CPED1: variants seen among roughly 807,000 people sequenced by gnomAD.
CPED1 encodes cadherin-like and PC-esterase domain-containing protein 1.
Under a neutral mutation model 128.2 loss-of-function variants are expected in CPED1, and 114 were observed. The ratio of observed to expected loss-of-function variants is 0.89; its 90% CI spans 0.76 to 1.04. The LOEUF is 1.04. CPED1 is among the 50% of genes least tolerant of loss of function. The probability of loss-of-function intolerance (pLI) is 0.00; values close to 1 mark genes in which losing one functional copy is unlikely to be tolerated. For synonymous variants in CPED1, 462 were observed against 426.7 expected (o/e 1.08, Z -1.02); for missense variants, 1,211 against 1,207.1 (o/e 1.00, Z -0.05).
chr7:121,060,955 C>G (rs540208057), intron 4 of CPED1, among the ~76,000 whole-genome samples: 3 of 151,674 alleles, frequency 2.0e-5, no homozygotes, highest in African/African-American at 7.3e-5. Flanking sequence ...CCGGGAGGAA[C>G]GAACAACTCC....
chr7:121,076,685 T>A (rs777171894), intron 5 of CPED1: 8 of 152,220 alleles, frequency 5.3e-5, no homozygotes, highest in Admixed American at 2.6e-4. Flanking sequence ...CAGCAATGTT[T>A]TAGTACTTCT....
intron 16 of CPED1, among the ~76,000 whole-genome samples, chr7:121,222,171 T>C (rs964911038): frequency 4.6e-5 from 7 of 152,210 alleles, no homozygotes; most frequent in Non-Finnish European, 1.0e-4. Context: ...GCTTTCTACA[T>C]GTAGCTAGCC....
At chr7:121,141,910 C>T in intron 15 of CPED1, 63 bp from the exon 16 acceptor site, 1 of 1,278,412 alleles carries the variant, frequency 7.8e-7, no homozygotes, top group Admixed American at 1.8e-5. Flanking sequence ...ATATATGAAT[C>T]AGTTTGGGCT....
At chr7:121,015,525 C>T in intron 2 of CPED1, 140 bp from the exon 3 acceptor site, 1 of 689,682 alleles carries the variant, frequency 1.4e-6, no homozygotes, top group Non-Finnish European at 2.4e-6. Context: ...TCCTTGTCAG[C>T]CTTTCAGAGA....
In CPED1 at chr7:121,015,766, C is replaced by T; in HGVS notation, c.351C>T (p.His117=). The T allele has an allele frequency of 6.2e-7, 1 of 1,612,056 alleles. No homozygotes were observed. The highest frequency in any genetic ancestry group is 8.5e-7 in the Non-Finnish European group (1 of 1,179,264). The change falls in exon 3 of 23, where the codon CAC becomes CAT. Residue 117 remains histidine (H), a synonymous_variant. Coordinates refer to ENST00000310396, the MANE Select transcript of CPED1 (RefSeq NM_024913.5). The stretch of plus-strand genomic sequence containing the variant: ...AAACAGAGCTTCAGCTACACCAGCA[C>T]ATTCTGACTCAACATGGCTATACGG... ...YSKTELQLHQ[H]ILTQHGYTVV...
intron 16 of CPED1, among the ~76,000 whole-genome samples, chr7:121,210,993 A>C (rs1282342480): frequency 6.7e-6 from 1 of 149,162 alleles, no homozygotes; most frequent in African/African-American, 2.5e-5. Context: ...AATAAAGAAA[A>C]AGTTAGTTTA....
rs753255831 is a variant in CPED1, at chr7:121,046,907, C to A, written c.454C>A (p.Leu152Met). The A allele has an allele frequency of 1.9e-6, 3 of 1,611,438 alleles. No homozygotes were observed. The highest frequency in any genetic ancestry group is 1.1e-5 in the South Asian group (1 of 90,784). Reference sequence around the variant, plus strand: ...TTTAGGTGATCTGGGCTCTTGGGATCTGCTCATTTGCCTGTCTTCTAAGAA... The same window carrying A: ...TTTAGGTGATCTGGGCTCTTGGGATATGCTCATTTGCCTGTCTTCTAAGAA... ...LEQGDLGSWD[L>M]LICLSSKKAE... is the part of the protein sequence containing the mutation. The change falls in exon 4 of 23, where the codon CTG (leucine) becomes ATG (methionine). Residue 152 changes from leucine to methionine, a missense_variant. Coordinates refer to ENST00000310396, the MANE Select transcript of CPED1 (RefSeq NM_024913.5).
chr7:121,097,665 A>T lies in CPED1; in HGVS notation c.617-34A>T. Reference sequence around the variant, plus strand: ...AAGCAGTTCCAGAAAGAAACAATAAAATGACTGTCTTCTGCTCTCTTGAAT... The same window carrying T: ...AAGCAGTTCCAGAAAGAAACAATAATATGACTGTCTTCTGCTCTCTTGAAT... On this transcript the variant is annotated intron_variant, in intron 5 of 22. Coordinates refer to ENST00000310396, the MANE Select transcript of CPED1 (RefSeq NM_024913.5). 2.5e-6 allele frequency: 4 copies of T among 1,610,282 alleles called. No homozygotes were observed. The South Asian group carries it at 4.4e-5, about 18-fold the overall frequency.
intron 5 of CPED1, among the ~76,000 whole-genome samples, chr7:121,066,128 A>G (rs1793825649): frequency 6.6e-6 from 1 of 152,146 alleles, no homozygotes; most frequent in Admixed American, 6.6e-5. Context: ...ACCTAAATAT[A>G]GGGTATGATT....
chr7:121,248,639 G>A (rs990538155), intron 18 of CPED1, among the ~76,000 whole-genome samples: 19 of 145,670 alleles, frequency 1.3e-4, no homozygotes, highest in African/African-American at 3.5e-4. Context: ...TAAAGATGCC[G>A]TACAGAGCCT....
At chr7:121,115,306 T>C (rs1795210288) in intron 7 of CPED1, among the ~76,000 whole-genome samples, 1 of 152,076 alleles carries the variant, frequency 6.6e-6, no homozygotes, top group Admixed American at 6.6e-5. Context: ...GTGAGAGAGG[T>C]GTAAGGTAAC....
chr7:121,021,449 C>A (rs1792439069), intron 3 of CPED1, among the ~76,000 whole-genome samples: 1 of 151,884 alleles, frequency 6.6e-6, no homozygotes, highest in Admixed American at 6.6e-5. Context: ...AAAGAAACAT[C>A]CACGACAGAT....
intron 5 of CPED1, among the ~76,000 whole-genome samples, chr7:121,095,380 T>C (rs1291353281): frequency 6.6e-6 from 1 of 152,156 alleles, no homozygotes; most frequent in Non-Finnish European, 1.5e-5. Context: ...TTCCATAAAA[T>C]GCATTTGCAG....
chr7:121,276,501 G>A (rs1361202020), intron 22 of CPED1, among the ~76,000 whole-genome samples: 2 of 152,070 alleles, frequency 1.3e-5, no homozygotes, highest in Admixed American at 1.3e-4. Context: ...CGTACTCTAT[G>A]CCCTCAGGAC....
At chr7:121,009,606 C>A (rs1376541091) in intron 2 of CPED1, among the ~76,000 whole-genome samples, 2,823 of 89,336 alleles carry the variant, frequency 0.032, no homozygotes, top group South Asian at 0.033. Context: ...GCCCCTGTCT[C>A]AAAAAAAAAA....
At chr7:121,246,559 C>T (rs1798539408) in intron 18 of CPED1, among the ~76,000 whole-genome samples, 1 of 152,170 alleles carries the variant, frequency 6.6e-6, no homozygotes. Context: ...TATAAGGAAA[C>T]TAATCCCATC....
At chr7:121,154,332 T>G in intron 16 of CPED1, among the ~76,000 whole-genome samples, 1 of 152,282 alleles carries the variant, frequency 6.6e-6, no homozygotes, top group Middle Eastern at 3.4e-3. Flanking sequence ...CAGAATTACA[T>G]TGAATAAAAG....
chr7:121,059,248 A>T (rs1793586752), intron 4 of CPED1, among the ~76,000 whole-genome samples: 1 of 152,204 alleles, frequency 6.6e-6, no homozygotes, highest in African/African-American at 2.4e-5. Context: ...AGTACTGAGA[A>T]CTACCAAATG....
chr7:121,053,124 T>C (rs1412170568), intron 4 of CPED1, among the ~76,000 whole-genome samples: 4 of 152,220 alleles, frequency 2.6e-5, no homozygotes, highest in Non-Finnish European at 5.9e-5. Context: ...TGTTAAATCT[T>C]ACATAACCAT....
Sources: allele counts gnomAD v4.1 joint callset (sites outside exome capture counted in the v4.1 genomes callset), GRCh38; gene constraint gnomAD v4.1.1; transcripts MANE v1.5; gene names NCBI Gene and HGNC (gene_info 2026-07-23, HGNC 2026-07-21).